Variants in ZBTB8OS observed in about 807,000 individuals in gnomAD.
ZBTB8OS encodes the protein tRNA-splicing ligase-activating factor archease.
Under a neutral mutation model 29.3 loss-of-function variants are expected in ZBTB8OS, and 16 were observed. That is an observed-to-expected ratio of 0.55 (90% confidence interval 0.37 to 0.83). ZBTB8OS has a LOEUF of 0.83. Ranked by LOEUF, ZBTB8OS falls within the 40% of genes least tolerant of loss-of-function variation. The pLI is 0.00. For missense variants in ZBTB8OS, 160 were observed against 196.9 expected, an observed-to-expected ratio of 0.81 and a Z score of 1.12; for synonymous variants, 70 against 64.6, an observed-to-expected ratio of 1.08 and a Z score of -0.40.
At position 32,648,761 on chromosome 1, in the gene ZBTB8OS, C is replaced by T. The variant is rs192485719; in HGVS notation, c.97+1672G>A. On this transcript the variant is annotated intron_variant, in intron 1 of 6. Coordinates refer to ENST00000468695, the MANE Select transcript of ZBTB8OS (RefSeq NM_178547.5). ...GCAACCTCCGCCTCCCAGGTTCAAG[C>T]GATTCTCCTGCCTCAGCCGCCCAAG... is the stretch of plus-strand genomic sequence containing the variant. Among the ~76,000 whole-genome samples, 309 of 151,014 alleles carry T rather than the reference C, an allele frequency of 2.0e-3. 3 individuals are homozygous for T. Among genetic ancestry groups the T allele is most frequent in the African/African-American group, 7.2e-3 (295 of 41,080 alleles).
intron 5 of ZBTB8OS, among the ~76,000 whole-genome samples, chr1:32,630,660 T>C (rs1645477282): frequency 6.6e-6 from 1 of 152,060 alleles, no homozygotes; most frequent in Non-Finnish European, 1.5e-5. Flanking sequence ...GAGGATCACT[T>C]GAGCCCAGGA....
chr1:32,648,964 T>A (rs1263665434), intron 1 of ZBTB8OS, among the ~76,000 whole-genome samples: 4 of 14,886 alleles, frequency 2.7e-4, no homozygotes, highest in Admixed American at 1.2e-3. Context: ...GCACCAGGCC[T>A]TTTTTTTTTT....
rs78554224 is a variant in ZBTB8OS, at chr1:32,627,213, G to A, written c.417+295C>T. The stretch of plus-strand genomic sequence containing the variant: ...TAGAAGGCACAATAGAGAACATCTA[G>A]TCCAACATCTTTATTATAGGAGAAG... On this transcript the variant is annotated intron_variant, in intron 6 of 6. Coordinates refer to ENST00000468695, the MANE Select transcript of ZBTB8OS (RefSeq NM_178547.5). Among the ~76,000 whole-genome samples the A allele has an allele frequency of 3.5e-3, 530 of 152,288 alleles. 5 individuals carry two copies. The highest frequency in any genetic ancestry group is 0.012 in the African/African-American group (513 of 41,562).
At chr1:32,637,565 CAA>C (rs767552219) in intron 1 of ZBTB8OS, among the ~76,000 whole-genome samples, 3 of 125,906 alleles carry the variant, frequency 2.4e-5, no homozygotes, top group Admixed American at 8.0e-5. Context: ...AAGACTGCCT[CAA>C]AAAAAAAAAA....
chr1:32,626,911 G>T (rs1645169732), intron 6 of ZBTB8OS, among the ~76,000 whole-genome samples: 1 of 152,122 alleles, frequency 6.6e-6, no homozygotes, highest in Non-Finnish European at 1.5e-5. Context: ...TGTTACATTT[G>T]AAAATGATAA....
chr1:32,650,369 G>A, intron 1 of ZBTB8OS, 64 bp downstream of exon 1: 1 of 1,599,176 alleles, frequency 6.3e-7, no homozygotes, highest in East Asian at 2.2e-5. Context: ...GCAGGAAGCC[G>A]CGGGTAAGGA....
intron 1 of ZBTB8OS, among the ~76,000 whole-genome samples, chr1:32,636,114 G>A (rs1645933693): frequency 1.3e-5 from 2 of 151,974 alleles, no homozygotes; most frequent in Non-Finnish European, 2.9e-5. Context: ...ATCCCACCCA[G>A]GAAGAGAAGA....
Position 32,631,870 on chromosome 1 carries a change from C to T in ZBTB8OS, c.337G>A (p.Val113Ile). 1.3e-6 allele frequency: 2 copies of T among 1,574,808 alleles called. No individual in the cohort carries two copies. ...DEFFIPREVK[V>I]LSIDQRNFKL... ...AAATTTCTTTGATCAATGCTAAGTA[C>T]TTTCACTTCCTAGACAGGAAGAAAA... is the stretch of plus-strand genomic sequence containing the variant. The change falls in exon 5 of 7, where the codon GTA (valine) becomes ATA (isoleucine). Residue 113 changes from valine (V) to isoleucine (I), a missense_variant. Val to Ile is a conservative substitution (Grantham distance 29). Transcript: ENST00000468695.
At chr1:32,642,280 A>C (rs1188254635) in intron 1 of ZBTB8OS, among the ~76,000 whole-genome samples, 1 of 152,088 alleles carries the variant, frequency 6.6e-6, no homozygotes, top group Non-Finnish European at 1.5e-5. Flanking sequence ...AAGGCAGGCA[A>C]ATCACCTGAG....
chr1:32,628,402 CG>C (rs746707318), intron 5 of ZBTB8OS, among the ~76,000 whole-genome samples: 37 of 149,760 alleles, frequency 2.5e-4, no homozygotes, highest in Non-Finnish European at 4.4e-4. Flanking sequence ...TTTGGGAGGC[CG>C]AGGTAGGCGG....
intron 6 of ZBTB8OS, among the ~76,000 whole-genome samples, chr1:32,624,395 G>A (rs1644959446): frequency 6.6e-6 from 1 of 152,020 alleles, no homozygotes; most frequent in South Asian, 2.1e-4. Context: ...TTTCTACCTC[G>A]AGTGCATAAA....
intron 5 of ZBTB8OS, among the ~76,000 whole-genome samples, chr1:32,629,478 C>T (rs1645371324): frequency 6.6e-6 from 1 of 151,996 alleles, no homozygotes; most frequent in Non-Finnish European, 1.5e-5. Flanking sequence ...TAATACCTCC[C>T]ACTGGAGAAA....
In ZBTB8OS at chr1:32,638,224, A is replaced by G. The variant is rs184129338; in HGVS notation, c.98-3432T>C. ...GTGGTTCTCAAATTTTGGAGTCTCCAGAATTCTTTTTTTTTTTTTTTTTTT... is the reference window on the plus strand; with the variant it reads ...GTGGTTCTCAAATTTTGGAGTCTCCGGAATTCTTTTTTTTTTTTTTTTTTT... On this transcript the variant is annotated intron_variant, in intron 1 of 6. Coordinates refer to ENST00000468695, the MANE Select transcript of ZBTB8OS (RefSeq NM_178547.5). Among the ~76,000 whole-genome samples, 500 of 148,268 alleles carry G rather than the reference A, an allele frequency of 3.4e-3. 5 individuals are homozygous for G. The highest frequency in any genetic ancestry group is 0.012 in the African/African-American group (483 of 40,230).
At chr1:32,634,188 C>G in intron 2 of ZBTB8OS, 116 bp from the exon 3 acceptor site, 1 of 857,438 alleles carries the variant, frequency 1.2e-6, no homozygotes, top group Non-Finnish European at 1.7e-6. Flanking sequence ...AGGCCTCAAT[C>G]AATTTAACAG....
chr1:32,628,440 C>T (rs957904202), intron 5 of ZBTB8OS, among the ~76,000 whole-genome samples: 1 of 151,760 alleles, frequency 6.6e-6, no homozygotes, highest in Non-Finnish European at 1.5e-5. Flanking sequence ...AGTTCAAGAC[C>T]AGCCTGGCCA....
chr1:32,637,591 T>C (rs1375093580), intron 1 of ZBTB8OS, among the ~76,000 whole-genome samples: 1 of 150,236 alleles, frequency 6.7e-6, no homozygotes, highest in Non-Finnish European at 1.5e-5. Flanking sequence ...ATCTAAACTG[T>C]GTGGTTCCAT....
Position 32,634,878 on chromosome 1 carries a change from T to C in ZBTB8OS, c.98-86A>G, listed in dbSNP as rs368670177. On this transcript the variant is annotated intron_variant, in intron 1 of 6. Transcript: ENST00000468695. ...CAAAATAACTCTAGTCCATTATTAT[T>C]AGGAATATCATCTTTAAAGAGCAAG... is the stretch of plus-strand genomic sequence containing the variant. 160 of 931,786 alleles carry C rather than the reference T, an allele frequency of 1.7e-4. No individual in the cohort carries two copies. In the African/African-American group the frequency reaches 2.3e-3, roughly 13 times the overall value. 57.7% of individuals were successfully genotyped at this position (931,786 alleles called of 1,614,324 possible).
intron 1 of ZBTB8OS, among the ~76,000 whole-genome samples, chr1:32,648,727 C>T (rs1570771070): frequency 1.3e-5 from 2 of 152,058 alleles, no homozygotes; most frequent in Admixed American, 6.6e-5. Context: ...GGTGCAATCT[C>T]GGCTCACTGC....
chr1:32,630,055 T>C (rs1319808461), intron 5 of ZBTB8OS, among the ~76,000 whole-genome samples: 3 of 152,086 alleles, frequency 2.0e-5, no homozygotes, highest in Non-Finnish European at 4.4e-5. Flanking sequence ...CCAGCAAGCC[T>C]GTTTCTTTAC....
Sources: gnomAD v4.1 joint callset for allele counts (sites outside exome capture counted in the v4.1 genomes callset) on GRCh38, gnomAD v4.1.1 for gene constraint, MANE v1.5 for transcripts, NCBI Gene and HGNC (gene_info 2026-07-23, HGNC 2026-07-21) for gene names.